CDC42BPA: variants seen among roughly 807,000 people sequenced by gnomAD.
CDC42BPA encodes serine/threonine-protein kinase MRCK alpha.
In CDC42BPA, 80 loss-of-function variants were observed where a neutral mutation model predicts 223.5. That is an observed-to-expected ratio of 0.36 (90% CI 0.30 to 0.43). The LOEUF is 0.43. CDC42BPA is among the 20% of genes least tolerant of loss of function. The pLI is 1.00. For missense variants in CDC42BPA, 1,743 were observed against 2,099.9 expected (o/e 0.83, Z 3.32); for synonymous variants, 694 against 718.6 (o/e 0.97, Z 0.55).
rs115653292 is a variant in CDC42BPA at position 227,312,843 on chromosome 1, G to A, written c.178+4162C>T. Among the ~76,000 whole-genome samples, 571 of 152,226 alleles carry A rather than the reference G, an allele frequency of 3.8e-3. 3 individuals are homozygous for A. Among genetic ancestry groups the A allele is most frequent in the African/African-American group, 0.013 (548 of 41,538 alleles). On this transcript the variant is annotated intron_variant, in intron 1 of 36. Coordinates refer to ENST00000366766, the MANE Select transcript of CDC42BPA (RefSeq NM_001394014.1). ...TCACAAGATCTGGTTGTTTAAAAGC[G>A]TGTAGCATCTCCCCCTTCTCTCTCT...
chr1:227,297,967 T>TATATATATATATATACACAC (rs369403944), intron 1 of CDC42BPA, among the ~76,000 whole-genome samples: 1 of 132,080 alleles, frequency 7.6e-6, no homozygotes, highest in African/African-American at 2.9e-5. Context: ...TATATACATA[T>TATATATATATATATACACAC]ACACACACAC....
intron 1 of CDC42BPA, among the ~76,000 whole-genome samples, chr1:227,276,103 G>A (rs1244587169): frequency 6.7e-6 from 1 of 149,950 alleles, no homozygotes; most frequent in Non-Finnish European, 1.5e-5. Flanking sequence ...CGGCCGCCCA[G>A]TCTGGGAAGT....
intron 5 of CDC42BPA, among the ~76,000 whole-genome samples, chr1:227,185,285 G>T (rs1324028221): frequency 6.6e-6 from 1 of 152,104 alleles, no homozygotes; most frequent in Non-Finnish European, 1.5e-5. Context: ...TATCTAGAAT[G>T]AAAGCCTTGG....
chr1:227,139,656 T>C lies in CDC42BPA; in HGVS notation c.1310A>G (p.Asn437Ser), dbSNP rs755310510. ...LDVNVQRTLD[N>S]NLATEAYERR... ...TTCATAAGCTTCAGTTGCTAAGTTG[T>C]TGTCTAGAGTCCTCTGAACATTAAC... is the stretch of plus-strand genomic sequence containing the variant. The change falls in exon 10 of 37, where the codon AAC (asparagine) becomes AGC (serine). Residue 437 changes from asparagine to serine, a missense_variant. By Grantham distance (46) the Asn-to-Ser change is conservative (BLOSUM62 1). Coordinates refer to ENST00000366766, the MANE Select transcript of CDC42BPA (RefSeq NM_001394014.1). 1 of 1,612,116 alleles carries C rather than the reference T, an allele frequency of 6.2e-7. No individual in the cohort carries two copies. The highest frequency in any genetic ancestry group is 1.1e-5 in the South Asian group (1 of 90,606).
intron 2 of CDC42BPA, among the ~76,000 whole-genome samples, chr1:227,243,248 T>A (rs1270572450): frequency 6.6e-6 from 1 of 152,114 alleles, no homozygotes; most frequent in African/African-American, 2.4e-5. Context: ...GGCGATGAAA[T>A]AATCTGTACA....
At chr1:227,227,927 T>A (rs1677123667) in intron 2 of CDC42BPA, among the ~76,000 whole-genome samples, 1 of 152,224 alleles carries the variant, frequency 6.6e-6, no homozygotes, top group African/African-American at 2.4e-5. Context: ...TGATTCAGTA[T>A]AATGTTCTAT....
chr1:227,154,457 TTTA>T (rs1662357101), intron 6 of CDC42BPA, among the ~76,000 whole-genome samples: 1 of 151,930 alleles, frequency 6.6e-6, no homozygotes, highest in Non-Finnish European at 1.5e-5. Context: ...GATTACATGA[TTTA>T]TTATATGAAA....
intron 6 of CDC42BPA, among the ~76,000 whole-genome samples, chr1:227,151,294 C>A (rs1661705468): frequency 6.6e-6 from 1 of 152,166 alleles, no homozygotes; most frequent in African/African-American, 2.4e-5. Context: ...AACATAATGT[C>A]CTAAGGTTTC....
intron 3 of CDC42BPA, among the ~76,000 whole-genome samples, chr1:227,207,153 A>G (rs1274094223): frequency 7.7e-6 from 1 of 129,892 alleles, no homozygotes; most frequent in Non-Finnish European, 1.6e-5. Flanking sequence ...TCATTGTTCA[A>G]TTCCCACCTA....
In CDC42BPA at chr1:227,193,841, A is replaced by G. The variant is rs1670205575; in HGVS notation, c.544T>C (p.Leu182=). The change falls in exon 5 of 37, where the codon TTG becomes CTG. Residue 182 remains leucine, a synonymous_variant. Transcript: ENST00000366766. ...TCAATTGCTATCACCATCTCAGCCA[A>G]GTAAAATCTAGCCATATCTTCAGGC... ...RLPEDMARFY[L]AEMVIAIDSV... is the part of the protein sequence containing the mutation. 1 of 1,613,386 alleles carries G rather than the reference A, an allele frequency of 6.2e-7. No homozygotes were observed. Among genetic ancestry groups the G allele is most frequent in the African/African-American group, 1.3e-5 (1 of 74,904 alleles).
chr1:227,010,877 C>T lies in CDC42BPA; in HGVS notation c.4857+5203G>A, dbSNP rs567851662. 9 of 1,358,202 alleles carry T rather than the reference C, an allele frequency of 6.6e-6. No individual in the cohort carries two copies. In the East Asian group the frequency reaches 3.7e-4, roughly 56 times the overall value. 84.1% of individuals were successfully genotyped at this position (1,358,202 alleles called of 1,614,324 possible). Reference sequence around the variant, plus strand: ...TTAACACCTGACTCAGCTGTTCATACCCTCAGAGTCATAAAGCTTGGTGTA... The same window carrying T: ...TTAACACCTGACTCAGCTGTTCATATCCTCAGAGTCATAAAGCTTGGTGTA... On this transcript the variant is annotated intron_variant, in intron 34 of 36. Coordinates refer to ENST00000366766, the MANE Select transcript of CDC42BPA (RefSeq NM_001394014.1).
chr1:227,279,784 C>T (rs780985275), intron 1 of CDC42BPA, among the ~76,000 whole-genome samples: 1 of 152,062 alleles, frequency 6.6e-6, no homozygotes, highest in African/African-American at 2.4e-5. Flanking sequence ...AGGCCGGGAA[C>T]GGTGGCTCAC....
intron 21 of CDC42BPA, chr1:227,068,679 G>A: frequency 2.5e-6 from 3 of 1,209,208 alleles, no homozygotes; most frequent in Non-Finnish European, 3.2e-6. Context: ...AATCAGTGAA[G>A]ATGAGGAAGA....
chr1:227,115,077 T>C (rs2149406782), intron 12 of CDC42BPA, among the ~76,000 whole-genome samples: 1 of 152,230 alleles, frequency 6.6e-6, no homozygotes, highest in African/African-American at 2.4e-5. Context: ...TAAATACACT[T>C]AACATTACTT....
chr1:227,077,395 C>G (rs915193811), intron 17 of CDC42BPA, among the ~76,000 whole-genome samples: 1 of 152,180 alleles, frequency 6.6e-6, no homozygotes, highest in South Asian at 2.1e-4. Context: ...ATGAGCATTA[C>G]TGAATGAGGA....
At chr1:227,137,029 T>A (rs141966924) in intron 10 of CDC42BPA, among the ~76,000 whole-genome samples, 8 of 151,996 alleles carry the variant, frequency 5.3e-5, no homozygotes, top group African/African-American at 1.9e-4. Flanking sequence ...AAAGAAAACA[T>A]AAAGCAACAA....
chr1:226,998,568 G>A (rs906324627), intron 35 of CDC42BPA, among the ~76,000 whole-genome samples: 8 of 152,186 alleles, frequency 5.3e-5, no homozygotes, highest in Admixed American at 3.3e-4. Flanking sequence ...TTAATAAATG[G>A]TGTTGGGAAA....
At chr1:227,063,646 T>C (rs980103720) in intron 21 of CDC42BPA, among the ~76,000 whole-genome samples, 2 of 152,262 alleles carry the variant, frequency 1.3e-5, no homozygotes, top group South Asian at 2.1e-4. Context: ...GTGGTGAATA[T>C]GTGGATAGAA....
chr1:227,009,837 A>C (rs983534778), intron 34 of CDC42BPA, among the ~76,000 whole-genome samples: 4 of 152,198 alleles, frequency 2.6e-5, no homozygotes, highest in Middle Eastern at 3.2e-3. Context: ...TAAGTGATAT[A>C]ATAATTTAAA....
Sources: allele counts gnomAD v4.1 joint callset (sites outside exome capture counted in the v4.1 genomes callset), GRCh38; gene constraint gnomAD v4.1.1; transcripts MANE v1.5; gene names NCBI Gene and HGNC (gene_info 2026-07-23, HGNC 2026-07-21).